D2HGDH: variants seen among roughly 807,000 people sequenced by gnomAD.
D2HGDH encodes D-2-hydroxyglutarate dehydrogenase, mitochondrial.
D2HGDH carries 31 observed loss-of-function variants against 46.9 expected under a neutral mutation model. That is an observed-to-expected ratio of 0.66 (90% CI 0.50 to 0.89). The LOEUF (loss-of-function observed/expected upper bound fraction) is 0.89, where lower values mean the gene tolerates loss of function less well. Among genes scored for constraint, D2HGDH ranks in the 40% least tolerant of loss-of-function variants. The pLI is 0.00. For missense variants in D2HGDH, 698 were observed against 720.8 expected (o/e 0.97, Z 0.36); for synonymous variants, 364 against 332.6 (o/e 1.09, Z -1.03).
Position 241,751,345 on chromosome 2 carries a change from T to G in D2HGDH, c.1097T>G (p.Leu366Arg). 2 of 1,613,754 alleles carry G rather than the reference T, an allele frequency of 1.2e-6. No homozygotes were observed. Among genetic ancestry groups the G allele is most frequent in the Non-Finnish European group, 1.7e-6 (2 of 1,180,030 alleles). Residue 366 changes from leucine (L) to arginine (R), a missense_variant, in exon 8 of 10, where the codon CTG becomes CGG. Leu to Arg is a moderately radical substitution (Grantham distance 102). Transcript: ENST00000321264. ...HFLEHALGSG[L>R]VTDGTMATDQ... ...CTGGAGCACGCGCTGGGCTCCGGCC[T>G]GGTGACCGATGGGACCATGGCCACC... is the stretch of plus-strand genomic sequence containing the variant.
intron 8 of D2HGDH, among the ~76,000 whole-genome samples, chr2:241,752,979 A>G (rs1448363402): frequency 2.0e-5 from 3 of 148,566 alleles, no homozygotes; most frequent in African/African-American, 7.5e-5. Flanking sequence ...GCCTCTGCAC[A>G]TCAGTCCCCA....
At chr2:241,756,350 G>A (rs1273144659) in intron 9 of D2HGDH, among the ~76,000 whole-genome samples, 1 of 152,180 alleles carries the variant, frequency 6.6e-6, no homozygotes, top group African/African-American at 2.4e-5. Flanking sequence ...CGGGTCTCAG[G>A]GGCTCCTCTC....
intron 8 of D2HGDH, 85 bp downstream of exon 8, chr2:241,751,473 C>A: frequency 6.4e-7 from 1 of 1,566,118 alleles, no homozygotes; most frequent in Non-Finnish European, 8.7e-7. Flanking sequence ...GTCATTGGTG[C>A]AGCCTAGACA....
In D2HGDH at chr2:241,768,059, C is replaced by T. The variant is rs1224948915; in HGVS notation, c.*90C>T. ...GCGGTGGCTCTGAGGGATGAGCCGG[C>T]AGTGGGCAGGGGACCAGGCACCTGG... On this transcript the variant is annotated 3_prime_UTR_variant, in exon 10 of 10. Transcript: ENST00000321264. The T allele has an allele frequency of 2.0e-6, 3 of 1,475,506 alleles. No individual in the cohort carries two copies. Among genetic ancestry groups the T allele is most frequent in the Non-Finnish European group, 1.8e-6 (2 of 1,110,542 alleles). The allele number at this position is 1,475,506 out of a possible 1,614,324, so 91.4% of individuals were successfully genotyped here. A position where few individuals can be genotyped will look rare whatever the true frequency, so the allele number is the denominator to read the frequency against.
chr2:241,745,761 TCTTCA>T (rs1023766910), intron 6 of D2HGDH, among the ~76,000 whole-genome samples: 10 of 152,194 alleles, frequency 6.6e-5, no homozygotes, highest in African/African-American at 1.2e-4. Context: ...GGTGACCACT[TCTTCA>T]CTTCTGGCGT....
At chr2:241,745,293 G>C (rs1316449260) in intron 6 of D2HGDH, among the ~76,000 whole-genome samples, 3 of 152,210 alleles carry the variant, frequency 2.0e-5, no homozygotes, top group Admixed American at 2.0e-4. Flanking sequence ...AGTCAGCCCA[G>C]ACTGGGGGTC....
intron 6 of D2HGDH, among the ~76,000 whole-genome samples, chr2:241,747,911 CG>C (rs1048230815): frequency 5.3e-5 from 8 of 152,064 alleles, no homozygotes; most frequent in African/African-American, 1.9e-4. Context: ...CTGCAGTCTT[CG>C]GGGCAAGTTG....
At chr2:241,751,900 C>T (rs892895672) in intron 8 of D2HGDH, among the ~76,000 whole-genome samples, 23 of 138,980 alleles carry the variant, frequency 1.7e-4, no homozygotes, top group African/African-American at 6.1e-4. Flanking sequence ...GGGGAGCCCT[C>T]GGTCACCGTC....
rs1692496828 is a variant in D2HGDH at position 241,735,453 on chromosome 2, G to A, written c.229G>A (p.Gly77Arg). ...CGCCTTTGAGCGCATCGTGCCCGGC[G>A]GGGTCGTCACGGACCCGGAAGCGCT... Reference protein sequence around the residue: ...LAAFERIVPGGVVTDPEALQA... With the variant: ...LAAFERIVPGRVVTDPEALQA... Residue 77 changes from glycine to arginine, a missense_variant, in exon 2 of 10, where the codon GGG (glycine) becomes AGG (arginine). Gly to Arg is a moderately radical substitution (Grantham distance 125). Coordinates refer to ENST00000321264, the MANE Select transcript of D2HGDH (RefSeq NM_152783.5). 1.9e-6 allele frequency: 3 copies of A among 1,609,630 alleles called. No individual in the cohort carries two copies. Among genetic ancestry groups the A allele is most frequent in the Non-Finnish European group, 1.7e-6 (2 of 1,179,670 alleles).
intron 3 of D2HGDH, 91 bp downstream of exon 3, chr2:241,741,181 G>A: frequency 1.7e-6 from 2 of 1,211,506 alleles, no homozygotes; most frequent in Non-Finnish European, 2.4e-6. Flanking sequence ...GTGACGCGGT[G>A]CGAAGCCAGC....
chr2:241,756,524 T>G (rs1698199119), intron 9 of D2HGDH, among the ~76,000 whole-genome samples: 1 of 152,204 alleles, frequency 6.6e-6, no homozygotes, highest in South Asian at 2.1e-4. Flanking sequence ...TTCAATCCTA[T>G]CAGTTCTTTT....
Position 241,742,792 on chromosome 2 carries a change from C to T in D2HGDH, c.490+218C>T, listed in dbSNP as rs141179639. On this transcript the variant is annotated intron_variant, in intron 4 of 9. Coordinates refer to ENST00000321264, the MANE Select transcript of D2HGDH (RefSeq NM_152783.5). This position sits in a 1 kb window ranked among gnomAD's most constrained non-coding sequence, Gnocchi z 4.8. ...GAGGGCTTGTCATTCTGGTCCCTTC[C>T]GACTCCATCCCGCTCTAGAGGTGTG... 9.0e-4 allele frequency among the ~76,000 whole-genome samples: 137 copies of T among 152,348 alleles called. 1 individual carries two copies. Among genetic ancestry groups the T allele is most frequent in the Middle Eastern group, 3.4e-3 (1 of 294 alleles).
chr2:241,737,661 G>T (rs905337242), intron 2 of D2HGDH, among the ~76,000 whole-genome samples: 3 of 152,112 alleles, frequency 2.0e-5, no homozygotes, highest in African/African-American at 7.2e-5. Flanking sequence ...ACCCAGTTCT[G>T]TGGGAGATCG....
intron 9 of D2HGDH, among the ~76,000 whole-genome samples, chr2:241,764,334 T>C (rs573733867): frequency 2.0e-5 from 3 of 152,340 alleles, no homozygotes; most frequent in Admixed American, 1.3e-4. Context: ...ACAGACAGAT[T>C]AACAGGAGAA....
intron 6 of D2HGDH, among the ~76,000 whole-genome samples, chr2:241,747,551 T>TTTG (rs1190416429): frequency 3.3e-5 from 5 of 151,252 alleles, no homozygotes; most frequent in African/African-American, 1.2e-4. Context: ...AGAGTGTTTT[T>TTTG]TTTTTTTTTT....
chr2:241,767,604 G>A, intron 9 of D2HGDH, 106 bp from the exon 10 acceptor site: 1 of 1,521,696 alleles, frequency 6.6e-7, no homozygotes, highest in Non-Finnish European at 9.0e-7. Context: ...TCAGCCGGGG[G>A]TCTCGGGGTT....
Position 241,735,379 on chromosome 2 carries a change from AC to A in D2HGDH, c.159del (p.Val54CysfsTer51). 1.9e-6 allele frequency: 3 copies of A among 1,584,800 alleles called. No homozygotes were observed. The highest frequency in any genetic ancestry group is 2.6e-6 in the Non-Finnish European group (3 of 1,169,556). ...TPEVPLTRER[Y>X]PVRRLPFSTV... ...GAGGTGCCGCTGACCCGGGAGCGCTACCCCGTGCGGCGCTTGCCGTTCTCCA... is the reference window on the plus strand; with the variant it reads ...GAGGTGCCGCTGACCCGGGAGCGCTACCCGTGCGGCGCTTGCCGTTCTCCA... On this transcript the variant is annotated frameshift_variant, in exon 2 of 10. Coordinates refer to ENST00000321264, the MANE Select transcript of D2HGDH (RefSeq NM_152783.5). LOFTEE classifies it high-confidence loss of function.
chr2:241,759,725 G>C (rs1346711128), intron 9 of D2HGDH, among the ~76,000 whole-genome samples: 1 of 151,916 alleles, frequency 6.6e-6, no homozygotes, highest in East Asian at 1.9e-4. Flanking sequence ...TTGCTCTTCT[G>C]GTTTATGTTC....
In D2HGDH at chr2:241,757,577, C is replaced by T. The variant is rs556731091; in HGVS notation, c.1306+1563C>T. 1.1e-4 allele frequency among the ~76,000 whole-genome samples: 17 copies of T among 152,270 alleles called. No homozygotes were observed. The South Asian group carries it at 2.7e-3, about 24-fold the overall frequency. On this transcript the variant is annotated intron_variant, in intron 9 of 9. Transcript: ENST00000321264. ...ACCTCAAGCCAGGAGGAGGCTTCCT[C>T]CTCTCCAGGTAACTTCAGTCTCTCT...
Sources: gnomAD v4.1 joint callset for allele counts (sites outside exome capture counted in the v4.1 genomes callset) on GRCh38, gnomAD v4.1.1 for gene constraint, Gnocchi (gnomAD v3.1) non-coding constraint, MANE v1.5 for transcripts, NCBI Gene and HGNC (gene_info 2026-07-23, HGNC 2026-07-21) for gene names.